DNAJC5B: variants seen among roughly 807,000 people sequenced by gnomAD.
DNAJC5B encodes the protein dnaJ homolog subfamily C member 5B.
Under a neutral mutation model 24.7 loss-of-function variants are expected in DNAJC5B, and 23 were observed. That is an observed-to-expected ratio of 0.93 (90% CI 0.67 to 1.32). The LOEUF is 1.32. Among genes scored for constraint, DNAJC5B ranks in the 40% most tolerant of loss-of-function variants. The probability of loss-of-function intolerance (pLI) is 0.00; values close to 1 mark genes in which losing one functional copy is unlikely to be tolerated. For synonymous variants in DNAJC5B, 101 were observed against 90.1 expected (o/e 1.12, Z -0.68); for missense variants, 238 against 240.8 (o/e 0.99, Z 0.08).
At chr8:66,091,396 G>A (rs972109624) in intron 5 of DNAJC5B, among the ~76,000 whole-genome samples, 1 of 152,136 alleles carries the variant, frequency 6.6e-6, no homozygotes, top group Non-Finnish European at 1.5e-5. Context: ...TTAAGAAGGA[G>A]GAGGAGTTGA....
chr8:66,036,878 G>A (rs1467971440), intron 1 of DNAJC5B, among the ~76,000 whole-genome samples: 1 of 152,184 alleles, frequency 6.6e-6, no homozygotes, highest in Non-Finnish European at 1.5e-5. Context: ...TCACGCCCAG[G>A]GCCTGGGGCA....
chr8:66,047,832 T>A (rs1806755601), intron 2 of DNAJC5B, among the ~76,000 whole-genome samples: 1 of 152,192 alleles, frequency 6.6e-6, no homozygotes, highest in Admixed American at 6.5e-5. Context: ...ATAAAAACCC[T>A]GTTGTTGCCA....
At chr8:66,015,854 C>T in the DNAJC5B span, among the ~76,000 whole-genome samples, 3 of 152,138 alleles carry the variant, frequency 2.0e-5, no homozygotes, top group Admixed American at 6.5e-5. Flanking sequence ...ATGAGAGGGA[C>T]ACAAATGAAA....
intron 5 of DNAJC5B, among the ~76,000 whole-genome samples, chr8:66,099,397 A>G (rs1808024730): frequency 6.6e-6 from 1 of 152,210 alleles, no homozygotes; most frequent in Non-Finnish European, 1.5e-5. Flanking sequence ...GAGAAAGCAT[A>G]ACCATTTTGG....
intron 1 of DNAJC5B, among the ~76,000 whole-genome samples, chr8:66,022,511 G>A (rs1806157259): frequency 6.6e-6 from 1 of 152,158 alleles, no homozygotes; most frequent in African/African-American, 2.4e-5. Context: ...AGAGTTGATG[G>A]CGATGCTCCC....
intron 5 of DNAJC5B, among the ~76,000 whole-genome samples, chr8:66,090,683 TA>T (rs1807828480): frequency 1.3e-5 from 2 of 152,124 alleles, no homozygotes; most frequent in African/African-American, 4.8e-5. Context: ...ATATGGCTTG[TA>T]ATTAGACTCT....
intron 4 of DNAJC5B, among the ~76,000 whole-genome samples, chr8:66,079,137 C>T (rs1218716459): frequency 6.6e-6 from 1 of 152,170 alleles, no homozygotes; most frequent in Non-Finnish European, 1.5e-5. Context: ...CTATAACAAA[C>T]AGCGAGCAAA....
chr8:66,039,758 T>C (rs1056601761), intron 1 of DNAJC5B, among the ~76,000 whole-genome samples: 1 of 152,222 alleles, frequency 6.6e-6, no homozygotes, highest in African/African-American at 2.4e-5. Context: ...ATACCCAGTA[T>C]AGTGCCTTAC....
rs761393048 is a variant in DNAJC5B, at chr8:66,076,902, C to T, written c.333+29C>T. On this transcript the variant is annotated intron_variant, in intron 4 of 5. Transcript: ENST00000276570. ...AAACTGAATTTCCTTTCTTCACAAT[C>T]TCCTGTAAGACCATGATATTAATCA... 7.5e-6 allele frequency: 12 copies of T among 1,609,272 alleles called. No individual in the cohort carries two copies. The African/African-American group carries it at 1.6e-4, about 22-fold the overall frequency.
chr8:66,086,731 C>T (rs534046262), intron 5 of DNAJC5B, among the ~76,000 whole-genome samples: 1 of 152,220 alleles, frequency 6.6e-6, no homozygotes, highest in East Asian at 1.9e-4. Flanking sequence ...TTCTATGTTA[C>T]AGATTATTAT....
intron 1 of DNAJC5B, among the ~76,000 whole-genome samples, chr8:66,027,455 C>A (rs138763093): frequency 5.5e-4 from 84 of 152,248 alleles, no homozygotes; most frequent in African/African-American, 1.9e-3. Context: ...GGAGCTCTAA[C>A]CAAAAGGAAG....
intron 5 of DNAJC5B, among the ~76,000 whole-genome samples, chr8:66,085,520 C>T (rs560822248): frequency 3.3e-5 from 5 of 152,010 alleles, no homozygotes; most frequent in African/African-American, 4.8e-5. Context: ...TTGCAGTGAG[C>T]GGAGATTGCA....
Position 66,080,556 on chromosome 8 carries a change from A to T in DNAJC5B, c.505+8A>T, listed in dbSNP as rs774210595. The stretch of plus-strand genomic sequence containing the variant: ...AGTCTGACATGGAAAAAGGTGGGGT[A>T]GGATGAGAGCAGAGGTAGTGAGTGT... On this transcript the variant is annotated splice_region_variant and intron_variant, in intron 5 of 5. Coordinates refer to ENST00000276570, the MANE Select transcript of DNAJC5B (RefSeq NM_033105.6). 2 of 1,596,434 alleles carry T rather than the reference A, an allele frequency of 1.3e-6. No homozygotes were observed. The highest frequency in any genetic ancestry group is 1.7e-6 in the Non-Finnish European group (2 of 1,171,096).
At chr8:66,054,344 C>T (rs2128960284) in intron 3 of DNAJC5B, among the ~76,000 whole-genome samples, 1 of 152,194 alleles carries the variant, frequency 6.6e-6, no homozygotes, top group South Asian at 2.1e-4. Context: ...GTTAAAAGAC[C>T]TCTCGCAATT....
chr8:66,052,170 C>A (rs1806863825), intron 3 of DNAJC5B, among the ~76,000 whole-genome samples: 1 of 149,408 alleles, frequency 6.7e-6, no homozygotes, highest in Admixed American at 6.7e-5. Flanking sequence ...GTTGGCCAGG[C>A]TGGTCTCGAA....
At chr8:66,080,145 A>G (rs139864177) in intron 4 of DNAJC5B, among the ~76,000 whole-genome samples, 6 of 152,296 alleles carry the variant, frequency 3.9e-5, no homozygotes, top group Non-Finnish European at 7.3e-5. Flanking sequence ...TTTGGCTACA[A>G]GTCATTTCCT....
At chr8:66,091,675 CATG>C (rs1029003208) in intron 5 of DNAJC5B, among the ~76,000 whole-genome samples, 5 of 152,060 alleles carry the variant, frequency 3.3e-5, no homozygotes, top group East Asian at 3.8e-4. Flanking sequence ...CAAAATGAAA[CATG>C]ATAAGTGGAA....
At chr8:66,089,053 A>G (rs1350277057) in intron 5 of DNAJC5B, among the ~76,000 whole-genome samples, 2 of 152,206 alleles carry the variant, frequency 1.3e-5, no homozygotes, top group Non-Finnish European at 2.9e-5. Context: ...TAAAGATACC[A>G]CCTGAGACTG....
chr8:66,076,249 G>A lies in DNAJC5B; in HGVS notation c.120-411G>A, dbSNP rs372519157. ...GAACTTTTAGAATATATGTTGTGACGTTCTGTTAATTCTGGAAAATTCTTC... is the reference window on the plus strand; with the variant it reads ...GAACTTTTAGAATATATGTTGTGACATTCTGTTAATTCTGGAAAATTCTTC... On this transcript the variant is annotated intron_variant, in intron 3 of 5. Coordinates refer to ENST00000276570, the MANE Select transcript of DNAJC5B (RefSeq NM_033105.6). Among the ~76,000 whole-genome samples the A allele has an allele frequency of 5.9e-5, 9 of 152,266 alleles. No individual in the cohort carries two copies. In the East Asian group the frequency reaches 7.7e-4, roughly 13 times the overall value.
Sources: allele counts gnomAD v4.1 joint callset (sites outside exome capture counted in the v4.1 genomes callset), GRCh38; gene constraint gnomAD v4.1.1; transcripts MANE v1.5; gene names NCBI Gene and HGNC (gene_info 2026-07-23, HGNC 2026-07-21).